ITPA: variants seen among roughly 807,000 people sequenced by gnomAD.
The protein encoded by ITPA is inosine triphosphate pyrophosphatase.
ITPA carries 29 observed loss-of-function variants against 29.6 expected under a neutral mutation model. The ratio of observed to expected loss-of-function variants is 0.98; its 90% confidence interval spans 0.73 to 1.34. The LOEUF (loss-of-function observed/expected upper bound fraction) is 1.34, where lower values mean the gene tolerates loss of function less well. ITPA is among the 40% of genes most tolerant of loss of function. The probability of loss-of-function intolerance (pLI) is 0.00; values close to 1 mark genes in which losing one functional copy is unlikely to be tolerated. For missense variants in ITPA, 241 were observed against 251.5 expected (o/e 0.96, Z 0.28); for synonymous variants, 103 against 99.3 (o/e 1.04, Z -0.22).
At chr20:3,212,613 A>G (rs1267221975) in intron 1 of ITPA, among the ~76,000 whole-genome samples, 1 of 152,040 alleles carries the variant, frequency 6.6e-6, no homozygotes, top group Non-Finnish European at 1.5e-5. Flanking sequence ...GAGCCACAGG[A>G]CCCAGCCCCT....
At chr20:3,211,183 T>A (rs547292242) in intron 1 of ITPA, among the ~76,000 whole-genome samples, 13 of 151,034 alleles carry the variant, frequency 8.6e-5, no homozygotes, top group African/African-American at 3.2e-4. Context: ...TTTTTTTCTT[T>A]GAGACAGAGT....
chr20:3,217,352 C>T (rs1236079537), intron 5 of ITPA, among the ~76,000 whole-genome samples: 2 of 152,132 alleles, frequency 1.3e-5, no homozygotes, highest in Non-Finnish European at 1.5e-5. Context: ...GTTATCAGCA[C>T]GAGGCCTATT....
chr20:3,217,101 G>A (rs993979142), intron 5 of ITPA, among the ~76,000 whole-genome samples: 1 of 151,620 alleles, frequency 6.6e-6, no homozygotes, highest in Non-Finnish European at 1.5e-5. Flanking sequence ...TGCTGATCTC[G>A]AATTCCTAAC....
chr20:3,214,581 T>C (rs1463344633), intron 4 of ITPA, among the ~76,000 whole-genome samples: 1 of 151,416 alleles, frequency 6.6e-6, no homozygotes, highest in Non-Finnish European at 1.5e-5. Flanking sequence ...TATTTTATTT[T>C]ATTTTATTTT....
chr20:3,225,022 T>G (rs143088872), downstream of ITPA, among the ~76,000 whole-genome samples: 1 of 152,244 alleles, frequency 6.6e-6, no homozygotes, highest in Non-Finnish European at 1.5e-5. Context: ...CTGTGCAACA[T>G]GGCAAAACCT....
chr20:3,224,610 C>A (rs2067538128), downstream of ITPA, among the ~76,000 whole-genome samples: 1 of 152,222 alleles, frequency 6.6e-6, no homozygotes, highest in East Asian at 1.9e-4. Flanking sequence ...CGTCCCTGCC[C>A]AGCCTCCTGA....
At chr20:3,226,391 C>T (rs1044217258), downstream of ITPA, among the ~76,000 whole-genome samples, 16 of 152,184 alleles carry the variant, frequency 1.1e-4, no homozygotes, top group Non-Finnish European at 2.2e-4. The surrounding 1 kb of genome is among the most constrained non-coding windows in gnomAD (Gnocchi z 4.4). Flanking sequence ...TCTCCACACT[C>T]GCTACCCGTC....
chr20:3,223,409 C>G lies in ITPA; in HGVS notation c.532C>G (p.Arg178Gly). ...GGCGGAGAAGAACGCTGTCTCCCAT[C>G]GCTTCCGGGCCCTGCTGGAGCTGCA... Reference protein sequence around the residue: ...PKAEKNAVSHRFRALLELQEY... With the variant: ...PKAEKNAVSHGFRALLELQEY... The change falls in exon 8 of 8, where the codon CGC becomes GGC. Residue 178 changes from arginine (R) to glycine (G), a missense_variant. Physicochemically the swap from Arg to Gly is moderately radical, Grantham distance 125. Transcript: ENST00000380113. The G allele has an allele frequency of 6.2e-7, 1 of 1,613,940 alleles. No individual in the cohort carries two copies. Among genetic ancestry groups the G allele is most frequent in the Non-Finnish European group, 8.5e-7 (1 of 1,180,010 alleles).
At chr20:3,222,221 CTTT>C (rs1185986418) in intron 7 of ITPA, among the ~76,000 whole-genome samples, 4 of 137,936 alleles carry the variant, frequency 2.9e-5, no homozygotes, top group Non-Finnish European at 1.6e-5. Flanking sequence ...GTACATCTGA[CTTT>C]TTTTTTTTTT....
intron 5 of ITPA, among the ~76,000 whole-genome samples, chr20:3,215,651 C>T (rs1037843370): frequency 3.3e-5 from 5 of 152,212 alleles, no homozygotes; most frequent in East Asian, 1.9e-4. Flanking sequence ...CATATCCTGT[C>T]ACCCACAGTT....
At chr20:3,214,363 C>CTTTTTT (rs57982806) in intron 4 of ITPA, among the ~76,000 whole-genome samples, 17 of 112,934 alleles carry the variant, frequency 1.5e-4, no homozygotes, top group Non-Finnish European at 2.6e-4. Context: ...TTCTTCCTTT[C>CTTTTTT]TTTTTTTTTT....
At chr20:3,218,060 G>GGA (rs1211504381) in intron 5 of ITPA, among the ~76,000 whole-genome samples, 3 of 152,120 alleles carry the variant, frequency 2.0e-5, no homozygotes, top group African/African-American at 7.2e-5. Flanking sequence ...TGGAGCTACA[G>GGA]GCATCAGCCA....
At chr20:3,213,964 C>T (rs775451674) in intron 3 of ITPA, 21 bp from the exon 4 acceptor site, 1 of 1,613,544 alleles carries the variant, frequency 6.2e-7, no homozygotes, top group Admixed American at 1.7e-5. Context: ...GGTCTCAGGG[C>T]TGTATGTCTT....
At position 3,223,526 on chromosome 20, in the gene ITPA, G is replaced by A. The variant is rs540465364; in HGVS notation, c.*64G>A. ...GGGGAGGGCTAGCCCAAAACCTCCC[G>A]CATCGGGCAGGCACCCCCTGAAGTA... On this transcript the variant is annotated 3_prime_UTR_variant, in exon 8 of 8. Coordinates refer to ENST00000380113, the MANE Select transcript of ITPA (RefSeq NM_033453.4). 58 of 1,260,196 alleles carry A rather than the reference G, an allele frequency of 4.6e-5. No homozygotes were observed. The African/African-American group carries it at 4.8e-4, about 11-fold the overall frequency. 78.1% of individuals were successfully genotyped at this position (1,260,196 alleles called of 1,614,324 possible). A position where few individuals can be genotyped will look rare whatever the true frequency, so the allele number is the denominator to read the frequency against.
chr20:3,225,098 G>C (rs2122472034), downstream of ITPA, among the ~76,000 whole-genome samples: 1 of 152,230 alleles, frequency 6.6e-6, no homozygotes, highest in South Asian at 2.1e-4. Flanking sequence ...CAGCTACTCA[G>C]GATTCCGAGG....
chr20:3,219,032 ATTTAT>A (rs757639841), intron 6 of ITPA: 38 of 212,218 alleles, frequency 1.8e-4, no homozygotes, highest in Non-Finnish European at 3.1e-4. Flanking sequence ...TGTTTATTTT[ATTTAT>A]TTATTTATTT....
chr20:3,215,224 G>T (rs920631615), intron 4 of ITPA, 57 bp from the exon 5 acceptor site: 7 of 1,565,832 alleles, frequency 4.5e-6, no homozygotes, highest in Non-Finnish European at 6.2e-6. Context: ...GCCTGGAAAA[G>T]GTGGTAAGAA....
downstream of ITPA, among the ~76,000 whole-genome samples, chr20:3,224,500 C>T (rs1171872210): frequency 6.6e-6 from 1 of 152,254 alleles, no homozygotes; most frequent in Non-Finnish European, 1.5e-5. Context: ...GTCCCTGTGA[C>T]TCCATCCAGC....
downstream of ITPA, among the ~76,000 whole-genome samples, chr20:3,225,818 C>G (rs2067548554): frequency 6.6e-6 from 1 of 152,296 alleles, no homozygotes; most frequent in Middle Eastern, 3.4e-3. Context: ...CACTTGAGGT[C>G]AGGAGTTCAA....
Sources: allele counts gnomAD v4.1 joint callset (sites outside exome capture counted in the v4.1 genomes callset), GRCh38; gene constraint gnomAD v4.1.1; non-coding constraint Gnocchi (gnomAD v3.1); transcripts MANE v1.5; gene names NCBI Gene and HGNC (gene_info 2026-07-23, HGNC 2026-07-21).